SYT12: variants seen among roughly 807,000 people sequenced by gnomAD.
The protein encoded by SYT12 is synaptotagmin-12.
SYT12 carries 27 observed loss-of-function variants against 39.5 expected under a neutral mutation model. That is an observed-to-expected ratio of 0.68 (90% CI 0.50 to 0.94). The LOEUF (loss-of-function observed/expected upper bound fraction) is 0.94, where lower values mean the gene tolerates loss of function less well. Ranked by LOEUF, SYT12 falls within the 40% of genes least tolerant of loss-of-function variation. The probability of loss-of-function intolerance (pLI) is 0.00; values close to 1 mark genes in which losing one functional copy is unlikely to be tolerated. For synonymous variants in SYT12, 233 were observed against 239.7 expected, an observed-to-expected ratio of 0.97 and a Z score of 0.26; for missense variants, 536 against 572.6, an observed-to-expected ratio of 0.94 and a Z score of 0.65.
At chr11:67,017,652 G>A (rs1033386633) in intron 3 of SYT12, among the ~76,000 whole-genome samples, 1 of 148,538 alleles carries the variant, frequency 6.7e-6, no homozygotes, top group Non-Finnish European at 1.5e-5. Context: ...GAGCCACCTC[G>A]CCCAGCCACA....
chr11:67,034,557 C>A, intron 2 of SYT12, 88 bp from the exon 3 acceptor site: 9 of 1,162,552 alleles, frequency 7.7e-6, no homozygotes, highest in Non-Finnish European at 9.6e-6. Context: ...CAATAAATAT[C>A]CATTCAATGT....
At chr11:67,021,779 A>C (rs1950111896), upstream of SYT12, 1 of 152,108 alleles carries the variant, frequency 6.6e-6, no homozygotes, top group African/African-American at 2.4e-5. Flanking sequence ...GTGAAGGTTG[A>C]GTTAAATGGG....
chr11:67,034,338 C>T (rs985765996), intron 2 of SYT12, among the ~76,000 whole-genome samples: 2 of 152,116 alleles, frequency 1.3e-5, no homozygotes, highest in South Asian at 2.1e-4. Flanking sequence ...AAATATTTTG[C>T]GGGCCGACAT....
intron 3 of SYT12, among the ~76,000 whole-genome samples, chr11:67,017,916 C>G (rs1010107147): frequency 6.6e-6 from 1 of 151,624 alleles, no homozygotes; most frequent in Non-Finnish European, 1.5e-5. Flanking sequence ...GCTGAGATCA[C>G]ACCATTGCAC....
upstream of SYT12, chr11:67,022,577 G>T (rs911015691): frequency 6.6e-6 from 1 of 152,296 alleles, no homozygotes; most frequent in African/African-American, 2.4e-5. Context: ...TCTCCTGAAT[G>T]ATTCATTCAT....
At position 67,035,832 on chromosome 11, in the gene SYT12, TCC is replaced by T. The variant is rs1275395626; in HGVS notation, c.228+995_228+996del. On this transcript the variant is annotated intron_variant, in intron 3 of 7. Coordinates refer to ENST00000527043, the MANE Select transcript of SYT12 (RefSeq NM_177963.4). ...TTCCTTCCTTCCTTCCTTCCTTCCT[TCC>T]TTCCTTTCTTTCTTTCTTTCTTTCT... Among the ~76,000 whole-genome samples, 7 of 102,556 alleles carry T rather than the reference TCC, an allele frequency of 6.8e-5. No individual in the cohort carries two copies. The East Asian group carries it at 8.5e-4, about 13-fold the overall frequency. The allele number at this position is 102,556 out of a possible 152,430, so 67.3% of individuals were successfully genotyped here.
intron 1 of SYT12, chr11:67,029,021 G>C (rs1275253301): frequency 1.3e-5 from 2 of 152,258 alleles, no homozygotes; most frequent in African/African-American, 4.8e-5. Flanking sequence ...GGCCCTCGGT[G>C]CCCTTGACCT....
chr11:67,011,616 T>A (rs1479021624), intron 3 of SYT12, among the ~76,000 whole-genome samples: 1 of 152,180 alleles, frequency 6.6e-6, no homozygotes, highest in Non-Finnish European at 1.5e-5. Flanking sequence ...CCACACTGGG[T>A]CTGAGGCAGT....
At chr11:67,026,442 T>C (rs1435539688) in intron 1 of SYT12, among the ~76,000 whole-genome samples, 5 of 152,018 alleles carry the variant, frequency 3.3e-5, no homozygotes, top group African/African-American at 1.2e-4. Flanking sequence ...CCCGGCTAAT[T>C]TTGTATTTTT....
rs1417230163 is a variant in SYT12, at chr11:67,043,677, T to C, written c.661T>C (p.Phe221Leu). The change falls in exon 5 of 8, where the codon TTC (phenylalanine) becomes CTC (leucine). Residue 221 changes from phenylalanine (F) to leucine (L), a missense_variant. By Grantham distance (22) the Phe-to-Leu change is conservative (BLOSUM62 0). Coordinates refer to ENST00000527043, the MANE Select transcript of SYT12 (RefSeq NM_177963.4). ...NAYSIFFDEKFSIPLDPTALE... is the reference protein window; with the variant it reads ...NAYSIFFDEKLSIPLDPTALE... ...CTACTCCATCTTCTTTGATGAGAAGTTCTCCATCCCCCTGGATCCCACAGC... is the reference window on the plus strand; with the variant it reads ...CTACTCCATCTTCTTTGATGAGAAGCTCTCCATCCCCCTGGATCCCACAGC... 2.5e-6 allele frequency: 4 copies of C among 1,614,006 alleles called. No homozygotes were observed. In the Admixed American group the frequency reaches 5.0e-5, roughly 20 times the overall value.
chr11:67,048,607 G>T lies in SYT12; in HGVS notation c.1116G>T (p.Val372=), dbSNP rs1854642823. 6.2e-7 allele frequency: 1 copy of T among 1,604,188 alleles called. No homozygotes were observed. The highest frequency in any genetic ancestry group is 1.1e-5 in the South Asian group (1 of 90,922). Residue 372 remains valine (V), a synonymous_variant, in exon 8 of 8, where the codon GTG becomes GTT. Coordinates refer to ENST00000527043, the MANE Select transcript of SYT12 (RefSeq NM_177963.4). ...AGGACCTGTCTCTCCGCGTGACGGTGGCTGAGAGCAGCAGCGACGGCCGTG... is the reference window on the plus strand; with the variant it reads ...AGGACCTGTCTCTCCGCGTGACGGTTGCTGAGAGCAGCAGCGACGGCCGTG... ...VLQDLSLRVT[V]AESSSDGRGD...
rs1854674169 is a variant in SYT12, at chr11:67,049,176, TG to T, written c.*421del. On this transcript the variant is annotated 3_prime_UTR_variant, in exon 8 of 8. Coordinates refer to ENST00000527043, the MANE Select transcript of SYT12 (RefSeq NM_177963.4). Reference sequence around the variant, plus strand: ...CCCCGGAGGATCTGCTCAGTGCTGATGGCAGCCCAGCTGTGTGGACTCAGGG... The same window carrying T: ...CCCCGGAGGATCTGCTCAGTGCTGATGCAGCCCAGCTGTGTGGACTCAGGG... 1.2e-5 allele frequency: 2 copies of T among 163,434 alleles called. No individual in the cohort carries two copies. The highest frequency in any genetic ancestry group is 4.8e-5 in the African/African-American group (2 of 41,948). The allele number at this position is 163,434 out of a possible 1,614,324, so 10.1% of individuals were successfully genotyped here.
In SYT12 at chr11:67,033,533, G is replaced by C. The variant is rs989229697; in HGVS notation, c.35-1112G>C. On this transcript the variant is annotated intron_variant, in intron 2 of 7. Transcript: ENST00000527043. Reference sequence around the variant, plus strand: ...CTCCCCACCTTGCTTCCAGGGAACTGTGCGGGGTCGAGGCCGGGTGGGGCA... The same window carrying C: ...CTCCCCACCTTGCTTCCAGGGAACTCTGCGGGGTCGAGGCCGGGTGGGGCA... Among the ~76,000 whole-genome samples, 4 of 152,292 alleles carry C rather than the reference G, an allele frequency of 2.6e-5. No homozygotes were observed. The East Asian group carries it at 7.7e-4, about 29-fold the overall frequency.
intron 3 of SYT12, among the ~76,000 whole-genome samples, chr11:67,035,879 T>TTTCTTTCTTTCTTTCTTTCTTTCC (rs1565337540): frequency 1.7e-5 from 2 of 115,648 alleles, no homozygotes; most frequent in African/African-American, 3.6e-5. Flanking sequence ...TCTTTCTTTC[T>TTTCTTTCTTTCTTTCTTTCTTTCC]TTCCCTCCCT....
At chr11:67,035,829 CCTTCCTTCCTTTCTTTCTTTCTTT>C (rs1484649607) in intron 3 of SYT12, among the ~76,000 whole-genome samples, 1 of 99,786 alleles carries the variant, frequency 1.0e-5, no homozygotes, top group African/African-American at 4.3e-5. Flanking sequence ...TTCCTTCCTT[CCTTCCTTCCTTTCTTTCTTTCTTT>C]CTTTCTTTCT....
intron 3 of SYT12, among the ~76,000 whole-genome samples, chr11:67,012,347 G>C (rs1346053235): frequency 6.6e-6 from 1 of 151,900 alleles, no homozygotes; most frequent in African/African-American, 2.4e-5. Context: ...CTCCAGCCTG[G>C]GTGATAGAGC....
At chr11:67,044,508 A>G (rs1179335478) in intron 5 of SYT12, 85 bp from the exon 6 acceptor site, 2 of 1,538,662 alleles carry the variant, frequency 1.3e-6, no homozygotes, top group African/African-American at 2.7e-5. Flanking sequence ...AGGAAGCCCC[A>G]GCCTTTCCCT....
intron 3 of SYT12, among the ~76,000 whole-genome samples, chr11:67,036,436 T>C (rs769933472): frequency 6.6e-5 from 10 of 152,208 alleles, no homozygotes; most frequent in African/African-American, 9.6e-5. Flanking sequence ...AACTGCTGTA[T>C]TGGGGGCACA....
Position 67,017,538 on chromosome 11 carries a change from T to C in SYT12, c.-68-4331T>C, listed in dbSNP as rs191182524. 1.8e-3 allele frequency among the ~76,000 whole-genome samples: 274 copies of C among 151,892 alleles called. 2 individuals carry two copies. Among genetic ancestry groups the C allele is most frequent in the African/African-American group, 6.4e-3 (266 of 41,514 alleles). On this transcript the variant is annotated intron_variant, in intron 3 of 10. Coordinates refer to the SYT12 transcript ENST00000393946. ...CCACGCCCGGCTAATTTTTCATATTTTCAGTAGAGATGGGGTTTCCCCATT... is the reference window on the plus strand; with the variant it reads ...CCACGCCCGGCTAATTTTTCATATTCTCAGTAGAGATGGGGTTTCCCCATT...
Sources: gnomAD v4.1 joint callset for allele counts (sites outside exome capture counted in the v4.1 genomes callset) on GRCh38, gnomAD v4.1.1 for gene constraint, MANE v1.5 for transcripts, NCBI Gene and HGNC (gene_info 2026-07-23, HGNC 2026-07-21) for gene names.